Variants in ADGRL2 observed in about 807,000 individuals in gnomAD.
ADGRL2 encodes the protein calcium-independent alpha-latrotoxin receptor 2.
Under a neutral mutation model 157.4 loss-of-function variants are expected in ADGRL2, and 44 were observed. The observed-to-expected ratio is 0.28, with a 90% CI of 0.22 to 0.36. ADGRL2 has a LOEUF of 0.36. ADGRL2 is among the 10% of genes least tolerant of loss of function. ADGRL2 has a pLI of 1.00. For missense variants in ADGRL2, 1,510 were observed against 1,768.9 expected (o/e 0.85, Z 2.63); for synonymous variants, 585 against 624.7 (o/e 0.94, Z 0.95).
chr1:81,692,181 C>A (rs1183744807), intron 3 of ADGRL2, among the ~76,000 whole-genome samples: 2 of 151,802 alleles, frequency 1.3e-5, no homozygotes, highest in Non-Finnish European at 2.9e-5. Flanking sequence ...CCAAGGCGGG[C>A]AGATCACCTG....
intron 2 of ADGRL2, among the ~76,000 whole-genome samples, chr1:81,548,247 A>T (rs931249529): frequency 6.6e-6 from 1 of 152,044 alleles, no homozygotes; most frequent in African/African-American, 2.4e-5. Context: ...ACTCTTTTTA[A>T]TGCTAATCAC....
intron 1 of ADGRL2, among the ~76,000 whole-genome samples, chr1:81,423,680 G>T (rs561254389): frequency 6.6e-6 from 1 of 152,090 alleles, no homozygotes; most frequent in East Asian, 1.9e-4. Context: ...ACACATATAT[G>T]TACTGTATAA....
chr1:81,975,891 T>A (rs543528138), intron 17 of ADGRL2, among the ~76,000 whole-genome samples: 7 of 152,070 alleles, frequency 4.6e-5, no homozygotes, highest in Middle Eastern at 3.4e-3. Context: ...GGGGAAAAAA[T>A]TTTTGGAATA....
chr1:81,736,159 A>G (rs982348671), intron 1 of ADGRL2, among the ~76,000 whole-genome samples: 3 of 151,054 alleles, frequency 2.0e-5, no homozygotes, highest in Admixed American at 2.0e-4. Flanking sequence ...AAAAAAAAAA[A>G]AAGGAGTCAA....
intron 2 of ADGRL2, among the ~76,000 whole-genome samples, chr1:81,563,569 G>C (rs1326504770): frequency 6.6e-6 from 1 of 152,082 alleles, no homozygotes; most frequent in African/African-American, 2.4e-5. Context: ...ATGTACTTTG[G>C]TGAGTTACAA....
At chr1:81,831,900 A>C (rs538714838) in intron 1 of ADGRL2, among the ~76,000 whole-genome samples, 1 of 152,198 alleles carries the variant, frequency 6.6e-6, no homozygotes, top group East Asian at 1.9e-4. Context: ...GATAGCCTTG[A>C]TTGGGATCTA....
intron 2 of ADGRL2, among the ~76,000 whole-genome samples, chr1:81,572,881 T>A (rs540675878): frequency 3.9e-4 from 59 of 151,450 alleles, no homozygotes; most frequent in Middle Eastern, 3.4e-3. Context: ...TTGATAAGGG[T>A]ATGCTTTTTA....
intron 3 of ADGRL2, among the ~76,000 whole-genome samples, chr1:81,653,533 C>T (rs2082466119): frequency 6.6e-6 from 1 of 151,978 alleles, no homozygotes; most frequent in Admixed American, 6.6e-5. Context: ...GGCTGCTTCC[C>T]AACACTGGAA....
At chr1:81,948,888 AC>A (rs1650836178) in intron 6 of ADGRL2, among the ~76,000 whole-genome samples, 1 of 152,212 alleles carries the variant, frequency 6.6e-6, no homozygotes, top group African/African-American at 2.4e-5. Context: ...GAAGTATGTA[AC>A]TACTAAAGAA....
chr1:81,866,021 A>C (rs1372685121), intron 2 of ADGRL2, among the ~76,000 whole-genome samples: 1 of 152,212 alleles, frequency 6.6e-6, no homozygotes, highest in Non-Finnish European at 1.5e-5. Context: ...TGCCAAGATC[A>C]CATAACTGTT....
chr1:81,524,560 A>G (rs974683468), intron 2 of ADGRL2, among the ~76,000 whole-genome samples: 26 of 152,194 alleles, frequency 1.7e-4, no homozygotes, highest in Non-Finnish European at 2.1e-4. Context: ...GAAGACATCA[A>G]TAGAAGACAG....
intron 1 of ADGRL2, among the ~76,000 whole-genome samples, chr1:81,738,433 C>T (rs536117190): frequency 2.0e-5 from 3 of 152,294 alleles, no homozygotes; most frequent in South Asian, 4.1e-4. Flanking sequence ...AAAAATGAAA[C>T]GTTTCCACAA....
chr1:81,338,235 A>G (rs58453175), intron 1 of ADGRL2, among the ~76,000 whole-genome samples: 18,806 of 150,098 alleles, frequency 0.13, 1,728 homozygotes, highest in African/African-American at 0.27. Context: ...CTGTGGTGCC[A>G]GCTTGTAATT....
intron 22 of ADGRL2, 34 bp downstream of exon 22, chr1:81,987,063 T>C (rs1289604851): frequency 2.5e-6 from 4 of 1,606,618 alleles, no homozygotes; most frequent in Non-Finnish European, 3.4e-6. Context: ...CTACCTTTCT[T>C]TGCTGCTAAA....
intron 2 of ADGRL2, among the ~76,000 whole-genome samples, chr1:81,859,091 A>T (rs888112871): frequency 6.6e-6 from 1 of 152,208 alleles, no homozygotes; most frequent in African/African-American, 2.4e-5. Context: ...GATTAAGAAG[A>T]TGCTACTATT....
intron 2 of ADGRL2, among the ~76,000 whole-genome samples, chr1:81,465,173 A>G (rs914266903): frequency 7.2e-5 from 11 of 152,254 alleles, no homozygotes; most frequent in Admixed American, 7.2e-4. Context: ...TTGATTTCCT[A>G]TAGTTACAAA....
At chr1:81,881,496 A>T (rs1332806329) in intron 2 of ADGRL2, among the ~76,000 whole-genome samples, 1 of 152,180 alleles carries the variant, frequency 6.6e-6, no homozygotes, top group Non-Finnish European at 1.5e-5. Context: ...TATTAGTCCC[A>T]TGTTCATGTT....
chr1:81,369,053 C>A (rs1040899363), intron 1 of ADGRL2, among the ~76,000 whole-genome samples: 1 of 151,938 alleles, frequency 6.6e-6, no homozygotes, highest in Non-Finnish European at 1.5e-5. Flanking sequence ...AAGTGGTTGA[C>A]CTTCTGAATA....
intron 3 of ADGRL2, among the ~76,000 whole-genome samples, chr1:81,668,397 C>A (rs1003887993): frequency 6.9e-6 from 1 of 145,350 alleles, no homozygotes; most frequent in Non-Finnish European, 1.5e-5. Context: ...TGCAGCCTGG[C>A]GACAGAGTAA....
Sources: allele counts gnomAD v4.1 joint callset (sites outside exome capture counted in the v4.1 genomes callset), GRCh38; gene constraint gnomAD v4.1.1; transcripts MANE v1.5; gene names NCBI Gene and HGNC (gene_info 2026-07-23, HGNC 2026-07-21).